The following ATAD3A variants were observed in gnomAD, a reference collection of about 807,000 sequenced individuals.
ATAD3A encodes ATPase family AAA domain containing 3A.
A neutral mutation model predicts 73.8 loss-of-function variants in ATAD3A; 46 were observed. The ratio of observed to expected loss-of-function variants is 0.62; its 90% confidence interval spans 0.49 to 0.80. The LOEUF (loss-of-function observed/expected upper bound fraction) is 0.80. Among genes scored for constraint, ATAD3A ranks in the 30% least tolerant of loss-of-function variants. ATAD3A has a pLI of 0.00. For synonymous variants in ATAD3A, 319 were observed against 350.0 expected (o/e 0.91, Z 0.99); for missense variants, 705 against 838.0 (o/e 0.84, Z 1.96).
chr1:1,522,701 G>T, intron 7 of ATAD3A, 43 bp from the exon 8 acceptor site: 1 of 1,608,386 alleles, frequency 6.2e-7, no homozygotes, highest in Non-Finnish European at 8.5e-7. Context: ...TAAGAGGGAG[G>T]GACGGTGGGG....
rs1273679066 is a variant in ATAD3A, at chr1:1,520,576, T to G, written c.709T>G (p.Phe237Val). The change falls in exon 7 of 16, where the codon TTC becomes GTC. Residue 237 changes from phenylalanine (F) to valine (V), a missense_variant. Transcript: ENST00000378756. This position sits in a 1 kb window ranked among gnomAD's most constrained non-coding sequence, Gnocchi z 4.0. ...RTAGTLFGEGFRAFVTDWDKV... is the reference protein window; with the variant it reads ...RTAGTLFGEGVRAFVTDWDKV... ...GGCTGGCACCTTGTTTGGGGAAGGA[T>G]TCCGTGCCTTTGTGACAGACTGGGA... 2 of 1,613,732 alleles carry G rather than the reference T, an allele frequency of 1.2e-6. No homozygotes were observed. Among genetic ancestry groups the G allele is most frequent in the Non-Finnish European group, 1.7e-6 (2 of 1,179,890 alleles).
Position 1,525,236 on chromosome 1 carries a change from A to G in ATAD3A, c.1215-4A>G. On this transcript the variant is annotated splice_polypyrimidine_tract_variant and splice_region_variant and intron_variant, in intron 11 of 15. Transcript: ENST00000378756. ...GCCCTGCTTGGCCTCCCTCTCGTTC[A>G]CAGCCTCCTGCTCTTTGTGGATGAA... 6.2e-7 allele frequency: 1 copy of G among 1,613,624 alleles called. No homozygotes were observed. Among genetic ancestry groups the G allele is most frequent in the South Asian group, 1.1e-5 (1 of 91,050 alleles).
intron 15 of ATAD3A, among the ~76,000 whole-genome samples, chr1:1,533,409 C>A (rs906567952): frequency 3.3e-5 from 5 of 152,236 alleles, no homozygotes; most frequent in African/African-American, 4.8e-5. Flanking sequence ...GCAGCTCCAG[C>A]CTTCACGTGC....
At chr1:1,521,327 A>AC (rs2100660221) in intron 7 of ATAD3A, among the ~76,000 whole-genome samples, 1 of 151,134 alleles carries the variant, frequency 6.6e-6, no homozygotes, top group South Asian at 2.1e-4. Context: ...AAAAAAAAAA[A>AC]AACCAGAAGG....
chr1:1,529,145 G>A (rs1222248465), intron 14 of ATAD3A, 78 bp from the exon 15 acceptor site: 1 of 1,571,798 alleles, frequency 6.4e-7, no homozygotes, highest in Non-Finnish European at 8.6e-7. Flanking sequence ...TGTCGGCCTC[G>A]CTGCCTGTCT....
chr1:1,529,174 T>G (rs757492979), intron 14 of ATAD3A, 49 bp from the exon 15 acceptor site: 11 of 1,597,862 alleles, frequency 6.9e-6, no homozygotes, highest in East Asian at 4.5e-5. Flanking sequence ...CCACCTCGTG[T>G]TGTGGGAGCT....
chr1:1,527,661 C>T lies in ATAD3A; in HGVS notation c.1338-34C>T, dbSNP rs372314970. 4.4e-6 allele frequency: 7 copies of T among 1,584,522 alleles called. No homozygotes were observed. The Admixed American group carries it at 8.8e-5, about 20-fold the overall frequency. ...CCCCTTGGTGCAGCTCGGCCGGCAG[C>T]CCCAGCATCCTCATCCTCATCCCCG... On this transcript the variant is annotated intron_variant, in intron 13 of 15. Transcript: ENST00000378756.
chr1:1,520,217 C>A lies in ATAD3A; in HGVS notation c.591C>A (p.Ala197=), dbSNP rs1182536895. ...TGGAGGCCGAGGCCCGGGCGCGCGC[C>A]AAGGCCGAGCGGGAGAATGCAGACA... ...LRVEAEARAR[A]KAERENADII... is the part of the protein sequence containing the mutation. The change falls in exon 6 of 16, where the codon GCC becomes GCA. Residue 197 remains alanine, a synonymous_variant. Coordinates refer to ENST00000378756, the MANE Select transcript of ATAD3A (RefSeq NM_001170535.3). The surrounding 1 kb of genome is among the most constrained non-coding windows in gnomAD (Gnocchi z 4.0). 1 of 1,612,326 alleles carries A rather than the reference C, an allele frequency of 6.2e-7. No homozygotes were observed.
chr1:1,531,337 G>A (rs1642026202), intron 15 of ATAD3A, among the ~76,000 whole-genome samples: 1 of 152,132 alleles, frequency 6.6e-6, no homozygotes, highest in Non-Finnish European at 1.5e-5. Flanking sequence ...TGTAATCCCA[G>A]CTACTTGGGA....
chr1:1,512,579 G>T lies in ATAD3A; in HGVS notation c.205+106G>T, dbSNP rs896667920. ...TCGCCGCTGTCGGCAGCCACTTCCCGGGCGAGACTGCGCCCCCGGAGCACC... is the reference window on the plus strand; with the variant it reads ...TCGCCGCTGTCGGCAGCCACTTCCCTGGCGAGACTGCGCCCCCGGAGCACC... On this transcript the variant is annotated intron_variant, in intron 1 of 15. Transcript: ENST00000378756. 80 of 1,399,596 alleles carry T rather than the reference G, an allele frequency of 5.7e-5. No homozygotes were observed. The Middle Eastern group carries it at 2.2e-3, about 38-fold the overall frequency. The allele number at this position is 1,399,596 out of a possible 1,614,324, so 86.7% of individuals were successfully genotyped here.
intron 14 of ATAD3A, 42 bp downstream of exon 14, chr1:1,527,904 C>G (rs368508177): frequency 6.3e-7 from 1 of 1,590,636 alleles, no homozygotes; most frequent in East Asian, 2.2e-5. Flanking sequence ...GGGGCCCTCG[C>G]TCAGGGTCCA....
rs1208464502 is a variant in ATAD3A, at chr1:1,520,844, A to C, written c.750+227A>C. 6.6e-6 allele frequency among the ~76,000 whole-genome samples: 1 copy of C among 152,078 alleles called. No homozygotes were observed. The highest frequency in any genetic ancestry group is 1.5e-5 in the Non-Finnish European group (1 of 67,992). On this transcript the variant is annotated intron_variant, in intron 7 of 15. Coordinates refer to ENST00000378756, the MANE Select transcript of ATAD3A (RefSeq NM_001170535.3). This position sits in a 1 kb window ranked among gnomAD's most constrained non-coding sequence, Gnocchi z 4.0. ...CCACACAGTGAGACCCCATCTCTAC[A>C]AAAAATCAAATATTAGCTGGGTGTG...
intron 4 of ATAD3A, among the ~76,000 whole-genome samples, chr1:1,518,104 C>CA (rs1641429940): frequency 6.6e-6 from 1 of 151,134 alleles, no homozygotes; most frequent in South Asian, 2.1e-4. Context: ...GGCCCACACA[C>CA]AGACACCCCC....
In ATAD3A at chr1:1,534,071, G is replaced by T; in HGVS notation, c.1760G>T (p.Ter587LeuextTer62). The T allele has an allele frequency of 6.2e-7, 1 of 1,613,548 alleles. No individual in the cohort carries two copies. The highest frequency in any genetic ancestry group is 8.5e-7 in the Non-Finnish European group (1 of 1,179,890). The change falls in exon 16 of 16, where the codon TGA (stop) becomes TTA (leucine). Residue 587 changes from the stop codon to leucine (L), a stop_lost. Coordinates refer to ENST00000378756, the MANE Select transcript of ATAD3A (RefSeq NM_001170535.3). Reference sequence around the variant, plus strand: ...CGTGGGGACGAGCCCTCCCCATCCTGAGTCCACAGGGAGATCCACAGCTCA... The same window carrying T: ...CGTGGGGACGAGCCCTCCCCATCCTTAGTCCACAGGGAGATCCACAGCTCA... ...PGRGDEPSPS[*>L]
At chr1:1,526,316 G>C (rs1390140872) in intron 12 of ATAD3A, 145 bp from the exon 13 acceptor site, 1 of 1,510,620 alleles carries the variant, frequency 6.6e-7, no homozygotes, top group Admixed American at 2.2e-5. Flanking sequence ...ACCGCCCCTG[G>C]CCCTGGTCAG....
intron 13 of ATAD3A, 41 bp from the exon 14 acceptor site, chr1:1,527,654 C>A: frequency 6.3e-7 from 1 of 1,576,676 alleles, no homozygotes; most frequent in Non-Finnish European, 8.6e-7. Context: ...TGCAGCTCGG[C>A]CGGCAGCCCC....
At position 1,526,528 on chromosome 1, in the gene ATAD3A, A is replaced by G. The variant is rs1295328390; in HGVS notation, c.1334A>G (p.Asn445Ser). 3 of 1,612,526 alleles carry G rather than the reference A, an allele frequency of 1.9e-6. No homozygotes were observed. Among genetic ancestry groups the G allele is most frequent in the African/African-American group, 2.7e-5 (2 of 75,036 alleles). Reference protein sequence around the residue: ...AFLYRTGQHSNKFMLVLASNQ... With the variant: ...AFLYRTGQHSSKFMLVLASNQ... ...CTGTACCGCACGGGCCAGCACAGCA[A>G]CAAGTGAGGGAGCCCCTCGGGTCCT... The change falls in exon 13 of 16, where the codon AAC (asparagine) becomes AGC (serine). Residue 445 changes from asparagine (N) to serine (S), a missense_variant. By Grantham distance (46) the Asn-to-Ser change is conservative. Transcript: ENST00000378756.
At position 1,527,489 on chromosome 1, in the gene ATAD3A, A is replaced by G. The variant is rs183347511; in HGVS notation, c.1338-206A>G. Among the ~76,000 whole-genome samples the G allele has an allele frequency of 3.1e-3, 465 of 152,312 alleles. 2 individuals are homozygous for G. Among genetic ancestry groups the G allele is most frequent in the African/African-American group, 0.011 (443 of 41,564 alleles). On this transcript the variant is annotated intron_variant, in intron 13 of 15. Transcript: ENST00000378756. ...GCTGGGCGAGGGTCAGCGGGAAAGC[A>G]CTATATGGAGGGAGAACAGAGGCCC...
In ATAD3A at chr1:1,515,366, C is replaced by T. The variant is rs113815880; in HGVS notation, c.206-646C>T. 7.1e-3 allele frequency among the ~76,000 whole-genome samples: 1,074 copies of T among 152,184 alleles called. 9 individuals are homozygous for T. Among genetic ancestry groups the T allele is most frequent in the Non-Finnish European group, 0.011 (769 of 67,996 alleles). ...TGCTGGGAGTACAGTAGTGAGCCAC[C>T]GCGCCCAGCCAAAAGATTTTTATGG... On this transcript the variant is annotated intron_variant, in intron 1 of 15. Coordinates refer to ENST00000378756, the MANE Select transcript of ATAD3A (RefSeq NM_001170535.3).
Sources: allele counts gnomAD v4.1 joint callset (sites outside exome capture counted in the v4.1 genomes callset), GRCh38; gene constraint gnomAD v4.1.1; non-coding constraint Gnocchi (gnomAD v3.1); transcripts MANE v1.5; gene names NCBI Gene and HGNC (gene_info 2026-07-23, HGNC 2026-07-21).